Variants in MYO7B observed in about 807,000 individuals in gnomAD.
The protein encoded by MYO7B is unconventional myosin-VIIb.
In MYO7B, 212 loss-of-function variants were observed where a neutral mutation model predicts 259.7. The observed-to-expected ratio is 0.82, with a 90% CI of 0.73 to 0.91. The LOEUF is 0.91. MYO7B is among the 40% of genes least tolerant of loss of function. The probability of loss-of-function intolerance (pLI) is 0.00; values close to 1 mark genes in which losing one functional copy is unlikely to be tolerated. For synonymous variants in MYO7B, 1,197 were observed against 1,166.4 expected, an observed-to-expected ratio of 1.03 and a Z score of -0.54; for missense variants, 2,732 against 2,813.5, an observed-to-expected ratio of 0.97 and a Z score of 0.66.
intron 1 of MYO7B, among the ~76,000 whole-genome samples, chr2:127,557,584 C>T (rs954046174): frequency 3.9e-5 from 6 of 152,110 alleles, no homozygotes; most frequent in Non-Finnish European, 8.8e-5. Flanking sequence ...TTCTTTTGTC[C>T]CACGGGGTGT....
chr2:127,617,490 T>TTTTG (rs1187894088), intron 26 of MYO7B, among the ~76,000 whole-genome samples: 8 of 120,620 alleles, frequency 6.6e-5, no homozygotes, highest in African/African-American at 1.7e-4. Context: ...TAACGGGGTT[T>TTTTG]TTTTTTTTTT....
chr2:127,613,553 G>C lies in MYO7B; in HGVS notation c.3398+950G>C, dbSNP rs1169021991. Among the ~76,000 whole-genome samples the C allele has an allele frequency of 2.6e-5, 4 of 152,086 alleles. No homozygotes were observed. The highest frequency in any genetic ancestry group is 4.4e-5 in the Non-Finnish European group (3 of 68,032). On this transcript the variant is annotated intron_variant, in intron 26 of 47. Coordinates refer to ENST00000409816, the MANE Select transcript of MYO7B (RefSeq NM_001393586.1). This position sits in a 1 kb window ranked among gnomAD's most constrained non-coding sequence, Gnocchi z 4.3. The stretch of plus-strand genomic sequence containing the variant: ...AAATCCAATACCTGGGTCATCTCAC[G>C]GTCAGTCTCTATTAACTGTCTTTTC...
chr2:127,634,347 G>C (rs1426716815), intron 41 of MYO7B, 58 bp downstream of exon 41: 15 of 1,323,244 alleles, frequency 1.1e-5, no homozygotes, highest in Non-Finnish European at 1.6e-5. Context: ...CGAGGCCCTA[G>C]GTGCTGCCTG....
At chr2:127,637,144 AC>A in intron 47 of MYO7B, 171 bp from the exon 48 acceptor site, 1 of 910,432 alleles carries the variant, frequency 1.1e-6, no homozygotes, top group Non-Finnish European at 1.7e-6. Flanking sequence ...AGGGAGGGAG[AC>A]CCAGCTCCAG....
intron 1 of MYO7B, among the ~76,000 whole-genome samples, chr2:127,543,444 C>T (rs1444438378): frequency 6.6e-6 from 1 of 152,108 alleles, no homozygotes; most frequent in Non-Finnish European, 1.5e-5. Context: ...AACAGCATCT[C>T]AAGGTAGAAG....
In MYO7B at chr2:127,558,155, A is replaced by G. The variant is rs1677905122; in HGVS notation, c.-23-1545A>G. On this transcript the variant is annotated intron_variant, in intron 1 of 47. Coordinates refer to ENST00000409816, the MANE Select transcript of MYO7B (RefSeq NM_001393586.1). ...AACTCAAACAAATTAGTAAGAAAAA[A>G]AACCAAACAATCCCATCAAAAAGTG... 2.0e-5 allele frequency among the ~76,000 whole-genome samples: 3 copies of G among 152,324 alleles called. No individual in the cohort carries two copies. In the South Asian group the frequency reaches 6.2e-4, roughly 32 times the overall value.
At chr2:127,557,578 T>G (rs778120660) in intron 1 of MYO7B, among the ~76,000 whole-genome samples, 1 of 152,188 alleles carries the variant, frequency 6.6e-6, no homozygotes, top group Non-Finnish European at 1.5e-5. Context: ...TTCAGATTCT[T>G]TTGTCCCACG....
At position 127,627,029 on chromosome 2, in the gene MYO7B, G is replaced by A. The variant is rs935816434; in HGVS notation, c.4270G>A (p.Asp1424Asn). 1 of 1,610,656 alleles carries A rather than the reference G, an allele frequency of 6.2e-7. No individual in the cohort carries two copies. Reference protein sequence around the residue: ...TPLAVREQVVDAARLQWPLLF... With the variant: ...TPLAVREQVVNAARLQWPLLF... ...ACTGGCCGTGCGAGAGCAGGTGGTG[G>A]ACGCCGCCCGCCTGCAGTGGCCGCT... Residue 1424 changes from aspartate (D) to asparagine (N), a missense_variant, in exon 32 of 48, where the codon GAC becomes AAC. Transcript: ENST00000409816. This position sits in a 1 kb window ranked among gnomAD's most constrained non-coding sequence, Gnocchi z 5.6.
At position 127,628,741 on chromosome 2, in the gene MYO7B, T is replaced by G. The variant is rs531545466; in HGVS notation, c.4624+206T>G. Among the ~76,000 whole-genome samples the G allele has an allele frequency of 2.4e-4, 37 of 152,288 alleles. No homozygotes were observed. Among genetic ancestry groups the G allele is most frequent in the African/African-American group, 8.2e-4 (34 of 41,576 alleles). On this transcript the variant is annotated intron_variant, in intron 34 of 47. Coordinates refer to ENST00000409816, the MANE Select transcript of MYO7B (RefSeq NM_001393586.1). This position sits in a 1 kb window ranked among gnomAD's most constrained non-coding sequence, Gnocchi z 4.8. ...CTTCCTCTTCTACAAAATGAGGGGCTAAAGGAGGTGGTCTCCAGCCCTGCA... is the reference window on the plus strand; with the variant it reads ...CTTCCTCTTCTACAAAATGAGGGGCGAAAGGAGGTGGTCTCCAGCCCTGCA...
chr2:127,631,653 G>T lies in MYO7B; in HGVS notation c.5149G>T (p.Glu1717Ter). 1.2e-6 allele frequency: 2 copies of T among 1,613,034 alleles called. No individual in the cohort carries two copies. Among genetic ancestry groups the T allele is most frequent in the Non-Finnish European group, 1.7e-6 (2 of 1,179,844 alleles). The change falls in exon 38 of 48, where the codon GAG becomes TAG. Residue 1717 changes from glutamate (E) to a stop codon, truncating the protein, a stop_gained. Coordinates refer to ENST00000409816, the MANE Select transcript of MYO7B (RefSeq NM_001393586.1). LOFTEE classifies it high-confidence loss of function. ...YPSRQAWPTL[E>*]LTDQIFTLAL... Reference sequence around the variant, plus strand: ...TTCTCGGCAGGCCTGGCCCACCCTGGAGCTCACCGACCAGATCTTCACACT... The same window carrying T: ...TTCTCGGCAGGCCTGGCCCACCCTGTAGCTCACCGACCAGATCTTCACACT...
chr2:127,617,563 C>G (rs1301314452), intron 26 of MYO7B, among the ~76,000 whole-genome samples: 10 of 125,940 alleles, frequency 7.9e-5, no homozygotes, highest in African/African-American at 3.2e-4. Flanking sequence ...ACTGCAGTGG[C>G]GCCATCTCGG....
At chr2:127,557,087 C>A (rs916199447) in intron 1 of MYO7B, among the ~76,000 whole-genome samples, 5 of 152,016 alleles carry the variant, frequency 3.3e-5, no homozygotes, top group African/African-American at 1.2e-4. Flanking sequence ...TTTTAAAAAT[C>A]TTTTTTCTTT....
In MYO7B at chr2:127,597,069, C is replaced by T. The variant is rs899539855; in HGVS notation, c.2339+513C>T. Reference sequence around the variant, plus strand: ...CATGAGAAAGTAGAAGACAGCCAGCCCCGGGAATAGAGAATGAGGGGACAG... The same window carrying T: ...CATGAGAAAGTAGAAGACAGCCAGCTCCGGGAATAGAGAATGAGGGGACAG... On this transcript the variant is annotated intron_variant, in intron 19 of 47. Transcript: ENST00000409816. The surrounding 1 kb of genome is among the most constrained non-coding windows in gnomAD (Gnocchi z 4.8). Among the ~76,000 whole-genome samples the T allele has an allele frequency of 2.0e-5, 3 of 152,174 alleles. No individual in the cohort carries two copies. The highest frequency in any genetic ancestry group is 7.2e-5 in the African/African-American group (3 of 41,456).
intron 1 of MYO7B, among the ~76,000 whole-genome samples, chr2:127,542,182 C>A (rs1350272520): frequency 3.9e-5 from 6 of 152,252 alleles, no homozygotes; most frequent in Non-Finnish European, 8.8e-5. Context: ...GGACATTACC[C>A]TGAATGCTGA....
chr2:127,627,470 G>GCC lies in MYO7B; in HGVS notation c.4460+163_4460+164dup, dbSNP rs550362313. The GCC allele has an allele frequency of 2.0e-6, 2 of 997,052 alleles. No individual in the cohort carries two copies. Among genetic ancestry groups the GCC allele is most frequent in the Non-Finnish European group, 3.0e-6 (2 of 659,392 alleles). The allele number at this position is 997,052 out of a possible 1,614,324, so 61.8% of individuals were successfully genotyped here. A position where few individuals can be genotyped will look rare whatever the true frequency, so the allele number is the denominator to read the frequency against. On this transcript the variant is annotated intron_variant, in intron 33 of 47. Transcript: ENST00000409816. This position sits in a 1 kb window ranked among gnomAD's most constrained non-coding sequence, Gnocchi z 5.6. ...TATGCGATGGCTTCTGTACTTCGGAGCCCCACCCTCCTGCACCAGGCCGTA... is the reference window on the plus strand; with the variant it reads ...TATGCGATGGCTTCTGTACTTCGGAGCCCCCCACCCTCCTGCACCAGGCCGTA...
chr2:127,599,995 A>G (rs1679904775), intron 19 of MYO7B, among the ~76,000 whole-genome samples: 1 of 152,146 alleles, frequency 6.6e-6, no homozygotes, highest in Non-Finnish European at 1.5e-5. Flanking sequence ...TTTTGGTATC[A>G]GAGTAACACT....
intron 1 of MYO7B, among the ~76,000 whole-genome samples, chr2:127,552,866 T>C (rs1693502577): frequency 6.6e-6 from 1 of 152,236 alleles, no homozygotes; most frequent in African/African-American, 2.4e-5. Flanking sequence ...TGCATTTTTA[T>C]ACAGGTTCTT....
chr2:127,615,349 A>G lies in MYO7B; in HGVS notation c.3398+2746A>G, dbSNP rs1680531330. Among the ~76,000 whole-genome samples the G allele has an allele frequency of 6.6e-6, 1 of 152,162 alleles. No homozygotes were observed. Among genetic ancestry groups the G allele is most frequent in the Non-Finnish European group, 1.5e-5 (1 of 68,034 alleles). ...CTACTTGAGACCATCGTTATGAGAC[A>G]GAACAAAGGGGGATGAACGTAGAAA... On this transcript the variant is annotated intron_variant, in intron 26 of 47. Transcript: ENST00000409816. This position sits in a 1 kb window ranked among gnomAD's most constrained non-coding sequence, Gnocchi z 4.4.
rs781737167 is a variant in MYO7B, at chr2:127,636,181, G to A, written c.6007-27G>A. The A allele has an allele frequency of 2.9e-5, 46 of 1,586,556 alleles. No homozygotes were observed. The highest frequency in any genetic ancestry group is 1.7e-4 in the Middle Eastern group (1 of 6,016). On this transcript the variant is annotated intron_variant, in intron 44 of 47. Coordinates refer to ENST00000409816, the MANE Select transcript of MYO7B (RefSeq NM_001393586.1). This position sits in a 1 kb window ranked among gnomAD's most constrained non-coding sequence, Gnocchi z 4.5. ...CTTTGGAGGGCCTCTGGGCACCCAA[G>A]TCCTTACTGGCCCTCCTGTCCCCCA...
Sources: allele counts gnomAD v4.1 joint callset (sites outside exome capture counted in the v4.1 genomes callset), GRCh38; gene constraint gnomAD v4.1.1; non-coding constraint Gnocchi (gnomAD v3.1); transcripts MANE v1.5; gene names NCBI Gene and HGNC (gene_info 2026-07-23, HGNC 2026-07-21).